The following WASHC5 variants were observed in gnomAD, a reference collection of about 807,000 sequenced individuals.
WASHC5 encodes WASH complex subunit 5.
WASHC5 carries 101 observed loss-of-function variants against 150.4 expected under a neutral mutation model. That is an observed-to-expected ratio of 0.67 (90% CI 0.57 to 0.79). The LOEUF (loss-of-function observed/expected upper bound fraction) is 0.79. WASHC5 is among the 30% of genes least tolerant of loss of function. WASHC5 has a pLI of 0.00. For synonymous variants in WASHC5, 467 were observed against 491.2 expected, an observed-to-expected ratio of 0.95 and a Z score of 0.65; for missense variants, 1,195 against 1,396.3, an observed-to-expected ratio of 0.86 and a Z score of 2.30.
intron 8 of WASHC5, 146 bp downstream of exon 8, chr8:125,074,850 AAC>A (rs1227997606): frequency 2.9e-6 from 2 of 688,426 alleles, no homozygotes; most frequent in Non-Finnish European, 2.7e-6. Context: ...ATCTTATTCT[AAC>A]CTATAAAATT....
chr8:125,028,719 A>G lies in WASHC5; in HGVS notation c.3336-12T>C. Reference sequence around the variant, plus strand: ...CAGGTATCTTCTGGCTGTGATAGAGAACAGTTTAGATCAATTAACTGCTTT... The same window carrying G: ...CAGGTATCTTCTGGCTGTGATAGAGGACAGTTTAGATCAATTAACTGCTTT... On this transcript the variant is annotated splice_polypyrimidine_tract_variant and intron_variant, in intron 27 of 28. Coordinates refer to ENST00000318410, the MANE Select transcript of WASHC5 (RefSeq NM_014846.4). 2 of 1,593,054 alleles carry G rather than the reference A, an allele frequency of 1.3e-6. No individual in the cohort carries two copies. The highest frequency in any genetic ancestry group is 1.7e-6 in the Non-Finnish European group (2 of 1,160,944).
In WASHC5 at chr8:125,024,346, AAC is replaced by A. The variant is rs199912701; in HGVS notation, c.*269_*270del. 2.8e-3 allele frequency: 1,465 copies of A among 514,106 alleles called. 9 individuals carry two copies. Among genetic ancestry groups the A allele is most frequent in the African/African-American group, 0.025 (1,316 of 52,038 alleles). The allele number at this position is 514,106 out of a possible 1,614,324, so 31.8% of individuals were successfully genotyped here. ...CATAAAACTAAATGGATTTATACAT[AAC>A]AGTTACATTCAGCATTTAAGAGAGG... On this transcript the variant is annotated 3_prime_UTR_variant, in exon 29 of 29. Coordinates refer to ENST00000318410, the MANE Select transcript of WASHC5 (RefSeq NM_014846.4).
chr8:125,057,647 AGATC>A lies in WASHC5; in HGVS notation c.1780_1783del (p.Asp594CysfsTer29). ...TGCCTGATTAATACGAAGAAGGGGC[AGATC>A]GAGGGCAGAGGCAAGCTGGAAGAAA... is the stretch of plus-strand genomic sequence containing the variant. On this transcript the variant is annotated frameshift_variant, in exon 15 of 29. Coordinates refer to ENST00000318410, the MANE Select transcript of WASHC5 (RefSeq NM_014846.4). LOFTEE classifies it high-confidence loss of function. 1 of 1,613,264 alleles carries A rather than the reference AGATC, an allele frequency of 6.2e-7. No individual in the cohort carries two copies. The highest frequency in any genetic ancestry group is 8.5e-7 in the Non-Finnish European group (1 of 1,179,280).
chr8:125,073,258 A>T lies in WASHC5; in HGVS notation c.1045T>A (p.Tyr349Asn), dbSNP rs1413813754. Reference protein sequence around the residue: ...AQVQQFLKEGYLREEMVLDNI... With the variant: ...AQVQQFLKEGNLREEMVLDNI... The stretch of plus-strand genomic sequence containing the variant: ...TCCAGAACCATCTCCTCCCTTAAAT[A>T]ACCTTCTTTTAGAAATTGCTGCACT... Residue 349 changes from tyrosine (Y) to asparagine (N), a missense_variant, in exon 9 of 29, where the codon TAT (tyrosine) becomes AAT (asparagine). This residue lies in a region of WASHC5 where 997 missense variants were observed against 1,168.1 expected (regional missense o/e 0.85). Transcript: ENST00000318410. 6.2e-7 allele frequency: 1 copy of T among 1,613,994 alleles called. No individual in the cohort carries two copies. The highest frequency in any genetic ancestry group is 1.1e-5 in the South Asian group (1 of 91,078).
intron 17 of WASHC5, among the ~76,000 whole-genome samples, chr8:125,053,840 A>G (rs373479617): frequency 1.1e-4 from 16 of 152,236 alleles, no homozygotes; most frequent in Non-Finnish European, 2.2e-4. Flanking sequence ...TAAAAAAGCA[A>G]TGAGATACTT....
At chr8:125,037,532 A>C (rs1352295976) in intron 25 of WASHC5, among the ~76,000 whole-genome samples, 199 bp from the exon 26 acceptor site, 2 of 152,204 alleles carry the variant, frequency 1.3e-5, no homozygotes, top group African/African-American at 4.8e-5. Flanking sequence ...CCTGTATCAT[A>C]ATTTGCCCTT....
At chr8:125,078,225 G>C (rs79674418) in intron 6 of WASHC5, among the ~76,000 whole-genome samples, 11,679 of 152,170 alleles carry the variant, frequency 0.077, 965 homozygotes, top group African/African-American at 0.19. Context: ...TCACAGCCTT[G>C]CTCAGGCTGC....
intron 1 of WASHC5, among the ~76,000 whole-genome samples, chr8:125,086,379 A>T (rs1817422162): frequency 6.6e-6 from 1 of 151,996 alleles, no homozygotes; most frequent in Non-Finnish European, 1.5e-5. Context: ...GGCTCAAGCA[A>T]TCCTCCCATC....
At chr8:125,031,099 A>T (rs1815521280) in intron 27 of WASHC5, among the ~76,000 whole-genome samples, 1 of 152,162 alleles carries the variant, frequency 6.6e-6, no homozygotes, top group African/African-American at 2.4e-5. Flanking sequence ...TGCTGCCTGG[A>T]GAGGTAGCAC....
chr8:125,079,141 CAT>C (rs1563634467), intron 5 of WASHC5, among the ~76,000 whole-genome samples: 8 of 51,126 alleles, frequency 1.6e-4, no homozygotes, highest in African/African-American at 5.0e-4. Flanking sequence ...TATATATATA[CAT>C]TTTTTTTTGA....
intron 9 of WASHC5, among the ~76,000 whole-genome samples, chr8:125,069,459 G>C (rs1465691191): frequency 6.6e-6 from 1 of 152,212 alleles, no homozygotes; most frequent in Non-Finnish European, 1.5e-5. Flanking sequence ...GTATATGGTA[G>C]TTACACTAGT....
At chr8:125,048,603 G>A (rs1227671015) in intron 19 of WASHC5, among the ~76,000 whole-genome samples, 5 of 152,188 alleles carry the variant, frequency 3.3e-5, no homozygotes, top group Non-Finnish European at 5.9e-5. Flanking sequence ...CACATAAAAT[G>A]GTGCCGTTAC....
intron 26 of WASHC5, among the ~76,000 whole-genome samples, chr8:125,035,089 T>C (rs974401397): frequency 2.6e-5 from 4 of 152,242 alleles, no homozygotes; most frequent in Admixed American, 6.5e-5. Flanking sequence ...CTCACCCTTA[T>C]ATGAGCAACT....
chr8:125,071,525 T>C (rs1260954806), intron 9 of WASHC5, among the ~76,000 whole-genome samples: 1 of 152,202 alleles, frequency 6.6e-6, no homozygotes, highest in Admixed American at 6.5e-5. Flanking sequence ...TATTCCATCA[T>C]TTCTGTAGTC....
chr8:125,058,267 C>T (rs572787405), intron 14 of WASHC5, among the ~76,000 whole-genome samples: 52 of 152,210 alleles, frequency 3.4e-4, no homozygotes, highest in African/African-American at 1.2e-3. Flanking sequence ...ATTGTAGTAG[C>T]TAGGCGCAGT....
chr8:125,089,872 A>G (rs12545690), intron 1 of WASHC5, among the ~76,000 whole-genome samples: 4,421 of 152,328 alleles, frequency 0.029, 132 homozygotes, highest in African/African-American at 0.058. Context: ...AGTAAAACAA[A>G]TATTATGGGT....
chr8:125,038,694 G>A, intron 25 of WASHC5, 136 bp downstream of exon 25: 1 of 1,004,354 alleles, frequency 1.0e-6, no homozygotes. Flanking sequence ...GCTTAGAAAG[G>A]GCAGGGAACT....
chr8:125,083,560 T>G (rs940807982), intron 2 of WASHC5, among the ~76,000 whole-genome samples, 153 bp downstream of exon 2: 2 of 152,238 alleles, frequency 1.3e-5, no homozygotes, highest in Admixed American at 6.5e-5. Flanking sequence ...TTTCAACTTA[T>G]TTTCAAGTTA....
At chr8:125,039,641 C>T (rs1207583843) in intron 24 of WASHC5, among the ~76,000 whole-genome samples, 154 bp downstream of exon 24, 2 of 151,980 alleles carry the variant, frequency 1.3e-5, no homozygotes, top group Non-Finnish European at 2.9e-5. Context: ...AAAGAGGCTC[C>T]GAAGACAGAT....
Sources: allele counts gnomAD v4.1 joint callset (sites outside exome capture counted in the v4.1 genomes callset), GRCh38; gene constraint gnomAD v4.1.1; regional missense constraint gnomAD v4.1.1; transcripts MANE v1.5; gene names NCBI Gene and HGNC (gene_info 2026-07-23, HGNC 2026-07-21).